DGKB: variants seen among roughly 807,000 people sequenced by gnomAD.
DGKB encodes the protein diacylglycerol kinase beta, also known as 90 kDa diacylglycerol kinase.
In DGKB, 67 loss-of-function variants were observed where a neutral mutation model predicts 114.3. That is an observed-to-expected ratio of 0.59 (90% CI 0.48 to 0.72). DGKB has a LOEUF of 0.72. Among genes scored for constraint, DGKB ranks in the 30% least tolerant of loss-of-function variants. The pLI, the probability that DGKB is intolerant of heterozygous loss-of-function variation, is 0.00. For synonymous variants in DGKB, 398 were observed against 323.1 expected (o/e 1.23, Z -2.49); for missense variants, 907 against 975.2 (o/e 0.93, Z 0.93).
intron 23 of DGKB, among the ~76,000 whole-genome samples, chr7:14,196,770 T>A (rs1164412254): frequency 6.6e-6 from 1 of 152,078 alleles, no homozygotes; most frequent in Non-Finnish European, 1.5e-5. Flanking sequence ...ATTAATCATG[T>A]ACTGACAAGT....
chr7:14,269,811 A>G (rs1798021288), intron 23 of DGKB, among the ~76,000 whole-genome samples: 1 of 152,156 alleles, frequency 6.6e-6, no homozygotes, highest in African/African-American at 2.4e-5. Flanking sequence ...TTGTAATATG[A>G]TTTTAGTCCA....
chr7:14,576,855 A>G (rs1413934163), intron 19 of DGKB, among the ~76,000 whole-genome samples: 3 of 152,170 alleles, frequency 2.0e-5, no homozygotes, highest in Non-Finnish European at 4.4e-5. Context: ...GCTGGTTTAA[A>G]TCTGTCTTCT....
chr7:14,937,069 C>A (rs1785311724), intron 1 of DGKB, among the ~76,000 whole-genome samples: 1 of 105,904 alleles, frequency 9.4e-6, no homozygotes, highest in African/African-American at 3.4e-5. Flanking sequence ...CACACACACA[C>A]ACACATCTTT....
intron 23 of DGKB, among the ~76,000 whole-genome samples, chr7:14,263,478 A>G (rs1036629245): frequency 3.9e-5 from 6 of 152,178 alleles, no homozygotes; most frequent in African/African-American, 1.4e-4. Flanking sequence ...GAAGTATGCC[A>G]TTTTCTCTTT....
chr7:14,557,235 T>G (rs1231134586), intron 20 of DGKB, among the ~76,000 whole-genome samples: 1 of 152,218 alleles, frequency 6.6e-6, no homozygotes, highest in African/African-American at 2.4e-5. Flanking sequence ...TTTTAGCTAT[T>G]TATATTTGGA....
chr7:14,225,564 G>A (rs954323708), intron 23 of DGKB, among the ~76,000 whole-genome samples: 3 of 152,022 alleles, frequency 2.0e-5, no homozygotes, highest in African/African-American at 4.8e-5. Flanking sequence ...TTAATGAAAT[G>A]TTTGTCCTTT....
intron 12 of DGKB, among the ~76,000 whole-genome samples, chr7:14,679,609 G>T (rs959400903): frequency 2.0e-5 from 3 of 152,002 alleles, no homozygotes; most frequent in Non-Finnish European, 4.4e-5. Context: ...TTTCAGATAG[G>T]CCTTTCTGAA....
chr7:14,169,995 G>A (rs911527212), intron 25 of DGKB, among the ~76,000 whole-genome samples: 1 of 151,702 alleles, frequency 6.6e-6, no homozygotes, highest in South Asian at 2.1e-4. Flanking sequence ...TTAGCCAGGT[G>A]TGGTGGCACA....
At chr7:14,830,316 T>C (rs548834015) in intron 2 of DGKB, among the ~76,000 whole-genome samples, 2 of 152,176 alleles carry the variant, frequency 1.3e-5, no homozygotes, top group South Asian at 2.1e-4. Context: ...GACTTCCTCT[T>C]TGAATTCCTT....
intron 21 of DGKB, among the ~76,000 whole-genome samples, chr7:14,467,982 C>T (rs1203293115): frequency 6.6e-6 from 1 of 151,956 alleles, no homozygotes; most frequent in African/African-American, 2.4e-5. Flanking sequence ...CACAATTGTT[C>T]CCTGGGATAA....
intron 15 of DGKB, among the ~76,000 whole-genome samples, chr7:14,614,402 T>C (rs1314028759): frequency 2.0e-5 from 3 of 152,112 alleles, no homozygotes; most frequent in African/African-American, 7.2e-5. Context: ...GAAAAAAATT[T>C]AATAACAAAA....
At chr7:14,919,062 G>GCACACACACACACACA (rs767285844) in intron 1 of DGKB, among the ~76,000 whole-genome samples, 3 of 118,064 alleles carry the variant, frequency 2.5e-5, no homozygotes, top group African/African-American at 6.8e-5. Context: ...TCCACCACAC[G>GCACACACACACACACA]CACACACACA....
Position 14,642,345 on chromosome 7 carries a change from A to T in DGKB, c.1135-12077T>A, listed in dbSNP as rs188891932. On this transcript the variant is annotated intron_variant, in intron 13 of 25. Transcript: ENST00000402815. ...GGCATTCATCTAACTTTTATCTGCC[A>T]TCCTTTTTCTTTATTTTTGAGTTGC... Among the ~76,000 whole-genome samples, 176 of 152,240 alleles carry T rather than the reference A, an allele frequency of 1.2e-3. 1 individual carries two copies. Among genetic ancestry groups the T allele is most frequent in the Non-Finnish European group, 1.9e-3 (128 of 67,998 alleles).
At chr7:14,682,525 T>TG (rs772720112) in intron 12 of DGKB, 28 bp downstream of exon 12, 1 of 1,493,562 alleles carries the variant, frequency 6.7e-7, no homozygotes, top group East Asian at 2.3e-5. Context: ...GGGTGAATGC[T>TG]GGGATTTGTT....
intron 1 of DGKB, among the ~76,000 whole-genome samples, chr7:14,849,454 C>T (rs1267348179): frequency 6.6e-6 from 1 of 151,988 alleles, no homozygotes. Flanking sequence ...CCTCCTTTGC[C>T]CCTTTGCCCT....
chr7:14,812,274 ATGGGCTTTCACTTTTATTACC>A (rs1459482433), intron 2 of DGKB, among the ~76,000 whole-genome samples: 2 of 152,080 alleles, frequency 1.3e-5, no homozygotes, highest in African/African-American at 4.8e-5. Context: ...TGTTTGAGTC[ATGGGCTTTCACTTTTATTACC>A]TGTCTTTAGT....
chr7:14,414,212 G>C (rs77940418), intron 21 of DGKB, among the ~76,000 whole-genome samples: 4,387 of 152,186 alleles, frequency 0.029, 231 homozygotes, highest in African/African-American at 0.1. Flanking sequence ...ATCAGTGTGA[G>C]AGACTGGGAT....
chr7:14,442,728 T>C (rs1275398525), intron 21 of DGKB, among the ~76,000 whole-genome samples: 1 of 152,168 alleles, frequency 6.6e-6, no homozygotes, highest in African/African-American at 2.4e-5. Flanking sequence ...TCTTTCTTTT[T>C]TGGGATAAGA....
intron 23 of DGKB, among the ~76,000 whole-genome samples, chr7:14,286,257 G>A (rs1416457705): frequency 6.6e-5 from 10 of 152,012 alleles, no homozygotes; most frequent in African/African-American, 2.2e-4. Context: ...CTTCCTATCC[G>A]TCTGAAAAAT....
Sources: allele counts gnomAD v4.1 joint callset (sites outside exome capture counted in the v4.1 genomes callset), GRCh38; gene constraint gnomAD v4.1.1; transcripts MANE v1.5; gene names NCBI Gene and HGNC (gene_info 2026-07-23, HGNC 2026-07-21).